The following ENOX1 variants were observed in gnomAD, a reference collection of about 807,000 sequenced individuals.
ENOX1 encodes candidate growth-related and time keeping constitutive hydroquinone (NADH) oxidase.
Under a neutral mutation model 82.5 loss-of-function variants are expected in ENOX1, and 42 were observed. That is an observed-to-expected ratio of 0.51 (90% CI 0.40 to 0.66). The LOEUF is 0.66. Among genes scored for constraint, ENOX1 ranks in the 30% least tolerant of loss-of-function variants. The pLI is 0.00. For synonymous variants in ENOX1, 271 were observed against 282.2 expected (o/e 0.96, Z 0.40); for missense variants, 608 against 811.6 (o/e 0.75, Z 3.05).
In ENOX1 at chr13:43,281,227, G is replaced by A. The variant is rs59557948; in HGVS notation, c.1447-11650C>T. On this transcript the variant is annotated intron_variant, in intron 12 of 16. Transcript: ENST00000690772. ...AATAATAATAGCAGCAGCAGCAGCA[G>A]AAAACCTCAACAAATACTGCCATTG... Among the ~76,000 whole-genome samples, 352 of 152,142 alleles carry A rather than the reference G, an allele frequency of 2.3e-3. 3 individuals are homozygous for A. Among genetic ancestry groups the A allele is most frequent in the African/African-American group, 8.2e-3 (342 of 41,492 alleles).
At chr13:43,696,402 T>C in intron 1 of ENOX1, among the ~76,000 whole-genome samples, 1 of 152,254 alleles carries the variant, frequency 6.6e-6, no homozygotes, top group East Asian at 1.9e-4. Flanking sequence ...TGCCATTTTC[T>C]TTGCTATTTG....
At chr13:43,444,899 AG>A (rs2056544380) in intron 3 of ENOX1, among the ~76,000 whole-genome samples, 1 of 152,178 alleles carries the variant, frequency 6.6e-6, no homozygotes, top group Admixed American at 6.5e-5. Flanking sequence ...TGTGGCCACG[AG>A]GCAGGGGGCA....
intron 1 of ENOX1, among the ~76,000 whole-genome samples, chr13:43,706,706 A>G (rs1207974567): frequency 2.1e-5 from 1 of 48,656 alleles, no homozygotes; most frequent in Non-Finnish European, 9.1e-5. Context: ...GCACATGATC[A>G]AGAAAGAAAA....
chr13:43,557,425 ACCT>A (rs1186365322), intron 2 of ENOX1, among the ~76,000 whole-genome samples: 1 of 151,792 alleles, frequency 6.6e-6, no homozygotes, highest in East Asian at 1.9e-4. Context: ...TTTAGCAGAA[ACCT>A]CCTCACAGGA....
chr13:43,277,554 C>T (rs1477016294), intron 12 of ENOX1, among the ~76,000 whole-genome samples: 1 of 152,132 alleles, frequency 6.6e-6, no homozygotes, highest in African/African-American at 2.4e-5. Flanking sequence ...CATGAAGGAC[C>T]CTGCTGCACC....
rs61212622 is a variant in ENOX1 at position 43,439,041 on chromosome 13, C to CTT, written c.-74-26055_-74-26054dup. The stretch of plus-strand genomic sequence containing the variant: ...TAAATGAACTTTCCTGTCTTTTAAT[C>CTT]TTTTTTTTTTTTTTTTTTTGAGCGG... On this transcript the variant is annotated intron_variant, in intron 3 of 16. Transcript: ENST00000690772. Among the ~76,000 whole-genome samples, 1,048 of 120,128 alleles carry CTT rather than the reference C, an allele frequency of 8.7e-3. 26 individuals are homozygous for CTT. Among genetic ancestry groups the CTT allele is most frequent in the African/African-American group, 0.031 (979 of 32,062 alleles). 78.8% of individuals were successfully genotyped at this position (120,128 alleles called of 152,430 possible). A position where few individuals can be genotyped will look rare whatever the true frequency, so the allele number is the denominator to read the frequency against.
At chr13:43,771,834 G>A (rs764270160) in intron 1 of ENOX1, among the ~76,000 whole-genome samples, 3 of 151,230 alleles carry the variant, frequency 2.0e-5, no homozygotes, top group Non-Finnish European at 4.4e-5. Context: ...GCGCCATCTT[G>A]GCTCACTGCA....
At chr13:43,735,040 T>C (rs1383708920) in intron 1 of ENOX1, among the ~76,000 whole-genome samples, 2 of 152,174 alleles carry the variant, frequency 1.3e-5, no homozygotes, top group Non-Finnish European at 2.9e-5. Flanking sequence ...ATAATATTTA[T>C]TATGTGCTTC....
At chr13:43,616,146 CTA>C (rs1555341756) in intron 2 of ENOX1, among the ~76,000 whole-genome samples, 18 of 55,058 alleles carry the variant, frequency 3.3e-4, no homozygotes, top group African/African-American at 1.1e-3. Context: ...ATCTAGATAT[CTA>C]TATAGATAGA....
intron 9 of ENOX1, among the ~76,000 whole-genome samples, chr13:43,342,311 G>A (rs532924586): frequency 6.6e-6 from 1 of 152,246 alleles, no homozygotes; most frequent in East Asian, 1.9e-4. Flanking sequence ...ATTTTTGAAG[G>A]AAGAAACAAT....
intron 2 of ENOX1, among the ~76,000 whole-genome samples, chr13:43,660,123 T>C (rs997899500): frequency 9.8e-5 from 15 of 152,332 alleles, no homozygotes; most frequent in African/African-American, 3.6e-4. Flanking sequence ...TCCTGAGTTT[T>C]TGCAGTGTTC....
chr13:43,275,126 C>T (rs1005887354), intron 12 of ENOX1, among the ~76,000 whole-genome samples: 3 of 152,172 alleles, frequency 2.0e-5, no homozygotes, highest in Non-Finnish European at 4.4e-5. Context: ...ACTTAAAAAT[C>T]CTCCTAGCAA....
chr13:43,244,975 A>G (rs1593501008), intron 14 of ENOX1, among the ~76,000 whole-genome samples: 2 of 152,314 alleles, frequency 1.3e-5, no homozygotes, highest in Admixed American at 1.3e-4. Context: ...CACATTTTGC[A>G]AAGTTTCAAA....
chr13:43,276,786 G>T (rs1400275323), intron 12 of ENOX1, among the ~76,000 whole-genome samples: 1 of 152,228 alleles, frequency 6.6e-6, no homozygotes, highest in Non-Finnish European at 1.5e-5. Flanking sequence ...TCTGGGGAAG[G>T]ACAATCATTT....
intron 1 of ENOX1, among the ~76,000 whole-genome samples, chr13:43,673,749 C>T (rs1033182663): frequency 1.3e-5 from 2 of 152,244 alleles, no homozygotes; most frequent in African/African-American, 2.4e-5. Flanking sequence ...ACCTTTCTCT[C>T]TGCAGTATTT....
chr13:43,616,162 C>CTATATATCTATAGA (rs1566641605), intron 2 of ENOX1, among the ~76,000 whole-genome samples: 699 of 7,112 alleles, frequency 0.098, 130 homozygotes, highest in Non-Finnish European at 0.22. Flanking sequence ...AGATAGATAT[C>CTATATATCTATAGA]TATCTATCTA....
chr13:43,637,735 C>G (rs1453039001), intron 2 of ENOX1, among the ~76,000 whole-genome samples: 1 of 152,024 alleles, frequency 6.6e-6, no homozygotes, highest in African/African-American at 2.4e-5. Flanking sequence ...ATTGCCCATG[C>G]CTCCCCCACT....
intron 1 of ENOX1, among the ~76,000 whole-genome samples, chr13:43,753,507 T>C (rs566184975): frequency 6.6e-6 from 1 of 152,306 alleles, no homozygotes; most frequent in East Asian, 1.9e-4. Flanking sequence ...TTATGGATAT[T>C]GCACCCCAGA....
At chr13:43,593,683 CACACACACA>C (rs2081343883) in intron 2 of ENOX1, among the ~76,000 whole-genome samples, 1 of 75,758 alleles carries the variant, frequency 1.3e-5, no homozygotes, top group Non-Finnish European at 2.4e-5. Flanking sequence ...CACACACACA[CACACACACA>C]CACACACACA....
Sources: gnomAD v4.1 joint callset for allele counts (sites outside exome capture counted in the v4.1 genomes callset) on GRCh38, gnomAD v4.1.1 for gene constraint, MANE v1.5 for transcripts, NCBI Gene and HGNC (gene_info 2026-07-23, HGNC 2026-07-21) for gene names.